Variants in ADHFE1 observed in about 807,000 individuals in gnomAD.
The protein encoded by ADHFE1 is hydroxyacid-oxoacid transhydrogenase, mitochondrial.
A neutral mutation model predicts 54.8 loss-of-function variants in ADHFE1; 37 were observed. That is an observed-to-expected ratio of 0.68 (90% confidence interval 0.52 to 0.89). The LOEUF is 0.89. Among genes scored for constraint, ADHFE1 ranks in the 40% least tolerant of loss-of-function variants. The probability of loss-of-function intolerance (pLI) is 0.00; values close to 1 mark genes in which losing one functional copy is unlikely to be tolerated. For synonymous variants in ADHFE1, 203 were observed against 229.3 expected (o/e 0.89, Z 1.04); for missense variants, 601 against 591.2 (o/e 1.02, Z -0.17).
intron 6 of ADHFE1, among the ~76,000 whole-genome samples, chr8:66,446,922 G>T (rs747205605): frequency 6.6e-6 from 1 of 152,122 alleles, no homozygotes; most frequent in Non-Finnish European, 1.5e-5. Context: ...CATTAATTCA[G>T]GCATAGACAT....
chr8:66,450,787 A>G (rs1024603595), intron 8 of ADHFE1, among the ~76,000 whole-genome samples: 2 of 152,150 alleles, frequency 1.3e-5, no homozygotes, highest in Non-Finnish European at 2.9e-5. Flanking sequence ...GGCCACCCCA[A>G]CTTCCCCATG....
At chr8:66,460,164 C>T (rs2130471969) in intron 12 of ADHFE1, 144 bp from the exon 13 acceptor site, 1 of 1,070,700 alleles carries the variant, frequency 9.3e-7, no homozygotes, top group East Asian at 2.5e-5. Context: ...CTTGGGCCCT[C>T]CTGGGGAGGC....
At chr8:66,442,193 GA>G (rs1440290599) in intron 2 of ADHFE1, among the ~76,000 whole-genome samples, 1 of 151,766 alleles carries the variant, frequency 6.6e-6, no homozygotes, top group Non-Finnish European at 1.5e-5. Context: ...TAAACCAGGG[GA>G]TTTTTTTCCT....
chr8:66,447,070 A>G (rs1806071958), intron 6 of ADHFE1, among the ~76,000 whole-genome samples, 194 bp from the exon 7 acceptor site: 2 of 152,176 alleles, frequency 1.3e-5, no homozygotes, highest in East Asian at 3.9e-4. Flanking sequence ...ATGTTAGATT[A>G]CATACATATT....
In ADHFE1 at chr8:66,447,476, G is replaced by C. The variant is rs543492645; in HGVS notation, c.628+135G>C. ...ATATTCTATAGAAGAGCAAGGTGAC[G>C]AAAGTCAGCAACAAAGTATTGTATA... On this transcript the variant is annotated intron_variant, in intron 7 of 13. Transcript: ENST00000396623. 14 of 709,940 alleles carry C rather than the reference G, an allele frequency of 2.0e-5. No individual in the cohort carries two copies. The African/African-American group carries it at 2.2e-4, about 11-fold the overall frequency. 44.0% of individuals were successfully genotyped at this position (709,940 alleles called of 1,614,324 possible).
chr8:66,442,621 C>T (rs1489711559), intron 2 of ADHFE1, among the ~76,000 whole-genome samples, 177 bp from the exon 3 acceptor site: 1 of 152,148 alleles, frequency 6.6e-6, no homozygotes, highest in Non-Finnish European at 1.5e-5. Context: ...GCATTACATT[C>T]TATCTTAAAA....
chr8:66,456,850 G>A lies in ADHFE1; in HGVS notation c.1020G>A (p.Val340=), dbSNP rs767404832. The part of the protein sequence containing the change: ...HGMSYPISGL[V]KMYKAKDYNV... ...TGTCTTACCCAATTTCAGGTTTAGT[G>A]AAGATGTATAAAGCAAAGGATTACA... The change falls in exon 11 of 14, where the codon GTG becomes GTA. Residue 340 remains valine, a synonymous_variant. Transcript: ENST00000396623. 2 of 1,608,120 alleles carry A rather than the reference G, an allele frequency of 1.2e-6. No homozygotes were observed. The highest frequency in any genetic ancestry group is 2.2e-5 in the East Asian group (1 of 44,482).
At chr8:66,454,281 G>A in intron 10 of ADHFE1, 124 bp downstream of exon 10, 1 of 854,480 alleles carries the variant, frequency 1.2e-6, no homozygotes, top group Non-Finnish European at 1.7e-6. Context: ...TTAACTTTAT[G>A]TTCCTAAATG....
chr8:66,453,819 C>A, intron 9 of ADHFE1: 11 of 1,445,742 alleles, frequency 7.6e-6, no homozygotes, highest in Admixed American at 3.7e-5. Context: ...GGCGCTTTTA[C>A]ATCACATGAG....
At chr8:66,437,764 A>G (rs956632483) in intron 1 of ADHFE1, among the ~76,000 whole-genome samples, 4 of 152,180 alleles carry the variant, frequency 2.6e-5, no homozygotes, top group Admixed American at 1.3e-4. Context: ...TTCACAGTCC[A>G]CAGGCAGAAA....
intron 1 of ADHFE1, among the ~76,000 whole-genome samples, chr8:66,436,977 A>G (rs1805497044): frequency 6.6e-6 from 1 of 152,164 alleles, no homozygotes; most frequent in Admixed American, 6.5e-5. Flanking sequence ...AACTGAACTG[A>G]GCAGGCTGGT....
intron 13 of ADHFE1, among the ~76,000 whole-genome samples, chr8:66,466,090 A>G (rs1361239289): frequency 7.1e-6 from 1 of 141,734 alleles, no homozygotes. Context: ...TCTTTTAGAG[A>G]CAGAGTCTTG....
intron 3 of ADHFE1, among the ~76,000 whole-genome samples, chr8:66,443,437 C>T (rs1448710490): frequency 6.6e-6 from 1 of 151,900 alleles, no homozygotes; most frequent in East Asian, 1.9e-4. Flanking sequence ...ACCACCACAC[C>T]CAGCTAATTT....
At chr8:66,433,078 A>G (rs1805284998) in intron 1 of ADHFE1, among the ~76,000 whole-genome samples, 1 of 152,204 alleles carries the variant, frequency 6.6e-6, no homozygotes, top group South Asian at 2.1e-4. Context: ...GAGAAGTCGC[A>G]GAGTCACACT....
chr8:66,439,872 C>A lies in ADHFE1; in HGVS notation c.60-290C>A. On this transcript the variant is annotated intron_variant, in intron 1 of 13. Transcript: ENST00000396623. This position sits in a 1 kb window ranked among gnomAD's most constrained non-coding sequence, Gnocchi z 4.4. ...GACCCCCATCTTAAACTTGCATGTA[C>A]CCCCAGAGCGTTTATCTCAGCTGCC... The A allele has an allele frequency of 1.2e-6, 1 of 845,422 alleles. No individual in the cohort carries two copies. The highest frequency in any genetic ancestry group is 4.0e-5 in the East Asian group (1 of 24,718). The allele number at this position is 845,422 out of a possible 1,614,324, so 52.4% of individuals were successfully genotyped here. A position where few individuals can be genotyped will look rare whatever the true frequency, so the allele number is the denominator to read the frequency against.
At chr8:66,462,332 C>G (rs1806943622) in intron 13 of ADHFE1, among the ~76,000 whole-genome samples, 1 of 152,208 alleles carries the variant, frequency 6.6e-6, no homozygotes, top group Non-Finnish European at 1.5e-5. Context: ...TCACCACAGC[C>G]TTGACCTCCC....
intron 7 of ADHFE1, among the ~76,000 whole-genome samples, chr8:66,447,815 C>G (rs967621686): frequency 1.3e-5 from 2 of 152,164 alleles, no homozygotes; most frequent in African/African-American, 4.8e-5. Context: ...TCTTAATTGG[C>G]CATTCTCTGC....
At position 66,448,865 on chromosome 8, in the gene ADHFE1, G is replaced by C; in HGVS notation, c.629G>C (p.Gly210Ala). 6 of 1,613,294 alleles carry C rather than the reference G, an allele frequency of 3.7e-6. No individual in the cohort carries two copies. Among genetic ancestry groups the C allele is most frequent in the Non-Finnish European group, 5.1e-6 (6 of 1,179,634 alleles). Residue 210 changes from glycine to alanine, a missense_variant and splice_region_variant, in exon 8 of 14, where the codon GGC becomes GCC. Transcript: ENST00000396623. The stretch of plus-strand genomic sequence containing the variant: ...TCTACTGAAAATCCTTATGTTTTAG[G>C]CATCACTTCGAGAGCCATCAAACCC... ...FDYEHLKVKI[G>A]ITSRAIKPTL...
At chr8:66,457,257 T>A (rs1463499375) in intron 12 of ADHFE1, 91 bp downstream of exon 12, 10 of 1,211,504 alleles carry the variant, frequency 8.3e-6, no homozygotes, top group Non-Finnish European at 1.2e-5. Flanking sequence ...GTTGGGTGCA[T>A]CACTTGAGCC....
Sources: allele counts gnomAD v4.1 joint callset (sites outside exome capture counted in the v4.1 genomes callset), GRCh38; gene constraint gnomAD v4.1.1; non-coding constraint Gnocchi (gnomAD v3.1); transcripts MANE v1.5; gene names NCBI Gene and HGNC (gene_info 2026-07-23, HGNC 2026-07-21).